The following TMEM11 variants were observed in gnomAD, a reference collection of about 807,000 sequenced individuals.
TMEM11 encodes transmembrane protein 11, mitochondrial.
TMEM11 carries 1 observed loss-of-function variant against 17.0 expected under a neutral mutation model. That is an observed-to-expected ratio of 0.06 (90% CI 0.02 to 0.28). The LOEUF is 0.28. Ranked by LOEUF, TMEM11 falls within the 10% of genes least tolerant of loss-of-function variation. TMEM11 has a pLI of 1.00. For synonymous variants in TMEM11, 122 were observed against 118.1 expected (o/e 1.03, Z -0.21); for missense variants, 172 against 252.9 (o/e 0.68, Z 2.17).
chr17:21,211,486 C>CATGT, intron 1 of TMEM11, among the ~76,000 whole-genome samples: 1 of 152,346 alleles, frequency 6.6e-6, no homozygotes, highest in Middle Eastern at 3.4e-3. Context: ...GTAATTGCCA[C>CATGT]ATGTAGCTGG....
In TMEM11 at chr17:21,198,053, C is replaced by G; in HGVS notation, c.*271G>C. On this transcript the variant is annotated 3_prime_UTR_variant, in exon 2 of 2. Coordinates refer to ENST00000317635, the MANE Select transcript of TMEM11 (RefSeq NM_003876.3). The surrounding 1 kb of genome is among the most constrained non-coding windows in gnomAD (Gnocchi z 6.5). ...AGACCTCCCCCAAAGCACGTCCACACCCCCTCGGCAGCGTCTGCCTCCATC... is the reference window on the plus strand; with the variant it reads ...AGACCTCCCCCAAAGCACGTCCACAGCCCCTCGGCAGCGTCTGCCTCCATC... 1 of 430,192 alleles carries G rather than the reference C, an allele frequency of 2.3e-6. No homozygotes were observed. The highest frequency in any genetic ancestry group is 3.9e-5 in the Admixed American group (1 of 25,450). The allele number at this position is 430,192 out of a possible 1,614,324, so 26.6% of individuals were successfully genotyped here.
At chr17:21,200,554 T>C (rs1974872304) in intron 1 of TMEM11, among the ~76,000 whole-genome samples, 1 of 152,194 alleles carries the variant, frequency 6.6e-6, no homozygotes, top group African/African-American at 2.4e-5. Flanking sequence ...GTCCCCAGGA[T>C]GGTCGGACCC....
chr17:21,199,328 GA>G (rs58031189), intron 1 of TMEM11, among the ~76,000 whole-genome samples: 4,687 of 78,236 alleles, frequency 0.06, 184 homozygotes, highest in Non-Finnish European at 0.077. Context: ...CTCAGTCTCA[GA>G]AAAAAAAAAA....
chr17:21,208,398 G>A (rs1974967755), intron 1 of TMEM11: 1 of 151,648 alleles, frequency 6.6e-6, no homozygotes, highest in Non-Finnish European at 1.5e-5. Flanking sequence ...ATACCCGTGG[G>A]AGGGCCTCCT....
chr17:21,212,753 AC>A (rs1346753013), intron 1 of TMEM11, among the ~76,000 whole-genome samples: 1 of 152,156 alleles, frequency 6.6e-6, no homozygotes, highest in Non-Finnish European at 1.5e-5. Flanking sequence ...TGTTTCTAAT[AC>A]TTTGTTTTCT....
Position 21,198,132 on chromosome 17 carries a change from A to T in TMEM11, c.*192T>A. The T allele has an allele frequency of 1.5e-6, 1 of 689,354 alleles. No homozygotes were observed. Among genetic ancestry groups the T allele is most frequent in the South Asian group, 2.1e-5 (1 of 47,000 alleles). 42.7% of individuals were successfully genotyped at this position (689,354 alleles called of 1,614,324 possible). ...CAGCCTCAGACCCCCCTCTTGGGTT[A>T]TGGAAATCCACATCTTAGTGTAATG... On this transcript the variant is annotated 3_prime_UTR_variant, in exon 2 of 2. Transcript: ENST00000317635. This position sits in a 1 kb window ranked among gnomAD's most constrained non-coding sequence, Gnocchi z 6.5.
intron 1 of TMEM11, chr17:21,208,260 G>A (rs991269526): frequency 6.6e-5 from 10 of 152,060 alleles, no homozygotes; most frequent in African/African-American, 2.4e-4. Context: ...CCAAAGTGTT[G>A]GGATTACAGG....
At chr17:21,213,831 T>G in intron 1 of TMEM11, 2 of 422,340 alleles carry the variant, frequency 4.7e-6, no homozygotes, top group Non-Finnish European at 8.5e-6. Context: ...CGGCCCGGCC[T>G]CGGGCCCCGC....
At chr17:21,201,479 G>A (rs540729649) in intron 1 of TMEM11, among the ~76,000 whole-genome samples, 1 of 152,236 alleles carries the variant, frequency 6.6e-6, no homozygotes, top group East Asian at 1.9e-4. Flanking sequence ...GGGATGAAAT[G>A]ATGAGCTGTT....
At chr17:21,202,372 G>C (rs920060167) in intron 1 of TMEM11, among the ~76,000 whole-genome samples, 9 of 152,174 alleles carry the variant, frequency 5.9e-5, no homozygotes, top group Non-Finnish European at 1.3e-4. Flanking sequence ...TGTCAAGCTG[G>C]GGTTACACAA....
chr17:21,210,841 A>G (rs11871152), intron 1 of TMEM11: 534,468 of 1,154,978 alleles, frequency 0.46, 126,133 homozygotes, highest in Non-Finnish European at 0.48. Flanking sequence ...CCCTCTGCAC[A>G]CCCCAGGTTG....
rs550386916 is a variant in TMEM11 at position 21,202,411 on chromosome 17, A to G, written c.63-3571T>C. Among the ~76,000 whole-genome samples the G allele has an allele frequency of 1.7e-4, 26 of 152,276 alleles. 2 individuals carry two copies. The South Asian group carries it at 4.1e-3, about 24-fold the overall frequency. On this transcript the variant is annotated intron_variant, in intron 1 of 1. Transcript: ENST00000317635. ...TCTCGCCAACACCCAAATCCACCCT[A>G]GTGCGGTACCTTTCTCTGCCCAGCA... is the stretch of plus-strand genomic sequence containing the variant.
chr17:21,210,479 G>A (rs956083175), intron 1 of TMEM11, among the ~76,000 whole-genome samples: 5 of 152,188 alleles, frequency 3.3e-5, no homozygotes, highest in Admixed American at 2.6e-4. Flanking sequence ...CAAGCATGGA[G>A]TCTTTCAAGA....
At chr17:21,202,825 T>C (rs1296104713) in intron 1 of TMEM11, among the ~76,000 whole-genome samples, 1 of 152,174 alleles carries the variant, frequency 6.6e-6, no homozygotes, top group Non-Finnish European at 1.5e-5. Context: ...GACACAGCCA[T>C]AAGCAAGCAC....
intron 1 of TMEM11, among the ~76,000 whole-genome samples, chr17:21,212,883 G>A (rs1418499766): frequency 2.0e-5 from 3 of 151,620 alleles, no homozygotes; most frequent in Admixed American, 1.3e-4. Context: ...AATACCAGGC[G>A]GGAGTTAGAA....
intron 1 of TMEM11, among the ~76,000 whole-genome samples, chr17:21,209,124 A>C (rs2144309052): frequency 6.6e-6 from 1 of 152,372 alleles, no homozygotes; most frequent in Non-Finnish European, 1.5e-5. Flanking sequence ...CAGGCCAAGG[A>C]ACTTTCACAG....
chr17:21,211,296 T>C, intron 1 of TMEM11: 1 of 1,168,090 alleles, frequency 8.6e-7, no homozygotes, highest in Non-Finnish European at 1.1e-6. Flanking sequence ...CCACCCCTCC[T>C]ATCTTAGTCG....
chr17:21,210,980 G>C, intron 1 of TMEM11: 3 of 1,289,626 alleles, frequency 2.3e-6, no homozygotes, highest in Non-Finnish European at 3.0e-6. Context: ...GGGGCCCTGA[G>C]ACAGTGAAGC....
At chr17:21,202,874 G>A (rs1974897677) in intron 1 of TMEM11, among the ~76,000 whole-genome samples, 1 of 152,238 alleles carries the variant, frequency 6.6e-6, no homozygotes, top group South Asian at 2.1e-4. Flanking sequence ...ATCCTGAGAT[G>A]GTGGCGTGGG....
Sources: gnomAD v4.1 joint callset for allele counts (sites outside exome capture counted in the v4.1 genomes callset) on GRCh38, gnomAD v4.1.1 for gene constraint, Gnocchi (gnomAD v3.1) non-coding constraint, MANE v1.5 for transcripts, NCBI Gene and HGNC (gene_info 2026-07-23, HGNC 2026-07-21) for gene names.